Variants in CAMSAP2 observed in about 807,000 individuals in gnomAD.
CAMSAP2 encodes the protein calmodulin regulated spectrin associated protein family member 2.
CAMSAP2 carries 26 observed loss-of-function variants against 146.1 expected under a neutral mutation model. That is an observed-to-expected ratio of 0.18 (90% CI 0.13 to 0.25). The LOEUF (loss-of-function observed/expected upper bound fraction) is 0.25, where lower values mean the gene tolerates loss of function less well. CAMSAP2 is among the 10% of genes least tolerant of loss of function. The pLI is 1.00. For missense variants in CAMSAP2, 1,381 were observed against 1,759.3 expected (o/e 0.78, Z 3.85); for synonymous variants, 499 against 596.6 (o/e 0.84, Z 2.38).
intron 2 of CAMSAP2, among the ~76,000 whole-genome samples, chr1:200,767,017 G>A (rs947650132): frequency 5.9e-5 from 9 of 152,182 alleles, no homozygotes; most frequent in African/African-American, 2.2e-4. Flanking sequence ...AGGTGGACAT[G>A]AGTTAATTGA....
At chr1:200,805,709 C>T (rs1263408816) in intron 2 of CAMSAP2, among the ~76,000 whole-genome samples, 15 of 152,272 alleles carry the variant, frequency 9.9e-5, no homozygotes, top group South Asian at 6.2e-4. Flanking sequence ...TTCAAACCAA[C>T]GACAAAACTT....
At position 200,859,187 on chromosome 1, in the gene CAMSAP2, G is replaced by A. The variant is rs1667822644; in HGVS notation, c.*1128G>A. 6.6e-6 allele frequency: 1 copy of A among 152,548 alleles called. No homozygotes were observed. The highest frequency in any genetic ancestry group is 2.1e-4 in the South Asian group (1 of 4,830). The allele number at this position is 152,548 out of a possible 1,614,324, so 9.4% of individuals were successfully genotyped here. On this transcript the variant is annotated 3_prime_UTR_variant, in exon 17 of 17. Coordinates refer to ENST00000358823, the MANE Select transcript of CAMSAP2 (RefSeq NM_203459.4). ...TCTACATGATCTTTGTTCTTTAACA[G>A]TGTATACCAGAGGGTTAGTTGGGGA...
chr1:200,760,858 T>A lies in CAMSAP2; in HGVS notation c.159T>A (p.Leu53=), dbSNP rs1400608447. Residue 53 remains leucine, a synonymous_variant, in exon 2 of 17, where the codon CTT becomes CTA. Transcript: ENST00000358823. ...TTATAGAAAATGTGCCAGAGGAACT[T>A]CAAGAACCATTTTACACAGATCAGT... ...AFGTENVPEE[L]QEPFYTDQYD... 1 of 1,589,290 alleles carries A rather than the reference T, an allele frequency of 6.3e-7. No individual in the cohort carries two copies. The highest frequency in any genetic ancestry group is 1.3e-5 in the African/African-American group (1 of 74,696).
rs1404928353 is a variant in CAMSAP2 at position 200,853,077 on chromosome 1, T to C, written c.3603-198T>C. On this transcript the variant is annotated intron_variant, in intron 12 of 16. Transcript: ENST00000358823. This position sits in a 1 kb window ranked among gnomAD's most constrained non-coding sequence, Gnocchi z 5.1. ...CTTTATTTTTATTTATTTATTTGAC[T>C]CTTCCTTCCCTCCTTTATTTACTTA... is the stretch of plus-strand genomic sequence containing the variant. Among the ~76,000 whole-genome samples the C allele has an allele frequency of 2.0e-5, 3 of 152,200 alleles. No individual in the cohort carries two copies. The East Asian group carries it at 5.8e-4, about 29-fold the overall frequency.
intron 4 of CAMSAP2, among the ~76,000 whole-genome samples, chr1:200,816,044 C>A (rs573142323): frequency 3.9e-5 from 6 of 152,310 alleles, no homozygotes; most frequent in African/African-American, 1.4e-4. Context: ...GCCTGTAATA[C>A]CAGCACTTTG....
chr1:200,775,406 T>A (rs12093247), intron 2 of CAMSAP2, among the ~76,000 whole-genome samples: 26,585 of 152,122 alleles, frequency 0.17, 3,092 homozygotes, highest in East Asian at 0.35. Flanking sequence ...CAAGGATGTC[T>A]CTGGAGGATT....
At chr1:200,842,115 T>A in intron 7 of CAMSAP2, 28 bp downstream of exon 7, 1 of 1,522,620 alleles carries the variant, frequency 6.6e-7, no homozygotes, top group Non-Finnish European at 9.1e-7. Context: ...TTTTAAATGT[T>A]CCTATGAACA....
chr1:200,810,590 AAG>A (rs1666303304), intron 3 of CAMSAP2, among the ~76,000 whole-genome samples: 1 of 151,594 alleles, frequency 6.6e-6, no homozygotes, highest in African/African-American at 2.4e-5. Context: ...AAAAAAAAAA[AAG>A]AATACAGACT....
At chr1:200,804,779 T>TTAAG (rs1233645859) in intron 2 of CAMSAP2, among the ~76,000 whole-genome samples, 1 of 152,194 alleles carries the variant, frequency 6.6e-6, no homozygotes, top group Non-Finnish European at 1.5e-5. Context: ...GGAAAATACT[T>TTAAG]CTTAGAGGAG....
At chr1:200,763,958 G>A (rs113808719) in intron 2 of CAMSAP2, among the ~76,000 whole-genome samples, 122 of 151,696 alleles carry the variant, frequency 8.0e-4, no homozygotes, top group African/African-American at 2.7e-3. Context: ...CCTGTAACCC[G>A]AGGTCGGGAG....
intron 1 of CAMSAP2, among the ~76,000 whole-genome samples, chr1:200,746,906 A>T (rs1415456417): frequency 6.6e-6 from 1 of 151,620 alleles, no homozygotes; most frequent in Non-Finnish European, 1.5e-5. Context: ...GCGTGAGTCA[A>T]CTGCGCCCGG....
At chr1:200,747,973 C>T (rs1664385438) in intron 1 of CAMSAP2, among the ~76,000 whole-genome samples, 1 of 131,298 alleles carries the variant, frequency 7.6e-6, no homozygotes, top group South Asian at 2.4e-4. Context: ...GGCGACAGAG[C>T]GAGACTCCGT....
At chr1:200,819,500 T>C (rs1267278572) in intron 4 of CAMSAP2, among the ~76,000 whole-genome samples, 1 of 152,200 alleles carries the variant, frequency 6.6e-6, no homozygotes, top group Non-Finnish European at 1.5e-5. Context: ...CAACATTCAT[T>C]CTCTTGAAGA....
chr1:200,774,876 A>G (rs899893938), intron 2 of CAMSAP2, among the ~76,000 whole-genome samples: 12 of 152,232 alleles, frequency 7.9e-5, no homozygotes, highest in Non-Finnish European at 2.9e-5. Flanking sequence ...ACATTTATTT[A>G]CCATATAATA....
At chr1:200,742,569 C>G (rs1205337447) in intron 1 of CAMSAP2, among the ~76,000 whole-genome samples, 1 of 151,990 alleles carries the variant, frequency 6.6e-6, no homozygotes, top group African/African-American at 2.4e-5. Context: ...GCTGCAGATA[C>G]ACTTATGCAG....
intron 2 of CAMSAP2, among the ~76,000 whole-genome samples, chr1:200,768,192 ACT>A (rs1665009793): frequency 6.6e-6 from 1 of 152,204 alleles, no homozygotes. Flanking sequence ...AAGGCACCAA[ACT>A]CTGTACTACA....
intron 1 of CAMSAP2, among the ~76,000 whole-genome samples, chr1:200,756,314 G>A (rs545139542): frequency 7.9e-5 from 12 of 152,124 alleles, no homozygotes; most frequent in African/African-American, 2.9e-4. Flanking sequence ...TTAGCTGGGT[G>A]TGGTGGCACA....
At chr1:200,821,645 G>A (rs950905671) in intron 4 of CAMSAP2, among the ~76,000 whole-genome samples, 6 of 152,228 alleles carry the variant, frequency 3.9e-5, no homozygotes, top group African/African-American at 7.2e-5. Context: ...ACAGGCGTAA[G>A]CCACCACACG....
chr1:200,860,294 C>T lies in CAMSAP2; in HGVS notation c.*2235C>T, dbSNP rs949777449. On this transcript the variant is annotated 3_prime_UTR_variant, in exon 17 of 17. Transcript: ENST00000358823. Reference sequence around the variant, plus strand: ...CCATTTCATAAAGTCTGAGGATTTTCGTCAACCTTACTGAAACACACTGGT... The same window carrying T: ...CCATTTCATAAAGTCTGAGGATTTTTGTCAACCTTACTGAAACACACTGGT... 1.3e-5 allele frequency: 2 copies of T among 152,580 alleles called. No homozygotes were observed. Among genetic ancestry groups the T allele is most frequent in the African/African-American group, 2.4e-5 (1 of 41,388 alleles). 9.5% of individuals were successfully genotyped at this position (152,580 alleles called of 1,614,324 possible).
Sources: allele counts gnomAD v4.1 joint callset (sites outside exome capture counted in the v4.1 genomes callset), GRCh38; gene constraint gnomAD v4.1.1; non-coding constraint Gnocchi (gnomAD v3.1); transcripts MANE v1.5; gene names NCBI Gene and HGNC (gene_info 2026-07-23, HGNC 2026-07-21).